ROBO2: variants seen among roughly 807,000 people sequenced by gnomAD.
ROBO2 encodes roundabout homolog 2.
A neutral mutation model predicts 160.8 loss-of-function variants in ROBO2; 53 were observed. That is an observed-to-expected ratio of 0.33 (90% CI 0.26 to 0.41). The LOEUF (loss-of-function observed/expected upper bound fraction) is 0.41, where lower values mean the gene tolerates loss of function less well. ROBO2 is among the 10% of genes least tolerant of loss of function. The pLI, the probability that ROBO2 is intolerant of heterozygous loss-of-function variation, is 1.00. For synonymous variants in ROBO2, 664 were observed against 611.7 expected, an observed-to-expected ratio of 1.09 and a Z score of -1.26; for missense variants, 1,577 against 1,722.4, an observed-to-expected ratio of 0.92 and a Z score of 1.49.
intron 2 of ROBO2, among the ~76,000 whole-genome samples, chr3:77,253,427 C>A (rs1349265740): frequency 3.3e-5 from 5 of 152,016 alleles, no homozygotes; most frequent in Non-Finnish European, 7.4e-5. Flanking sequence ...TGTGACATAA[C>A]CTGCAAAGTT....
rs1386538746 is a variant in ROBO2, at chr3:76,627,176, C to A, written c.110-470838C>A. Among the ~76,000 whole-genome samples the A allele has an allele frequency of 2.0e-5, 3 of 152,192 alleles. No individual in the cohort carries two copies. The East Asian group carries it at 5.8e-4, about 29-fold the overall frequency. ...GATAAGCACAGTTTGGTTGTTACTT[C>A]CTTCACCTTACTTAGTTTGCATTCT... On this transcript the variant is annotated intron_variant, in intron 2 of 26. Coordinates refer to the ROBO2 transcript ENST00000487694.
chr3:77,558,332 A>G (rs893860102), intron 9 of ROBO2, among the ~76,000 whole-genome samples, 183 bp downstream of exon 10: 1 of 152,098 alleles, frequency 6.6e-6, no homozygotes, highest in Non-Finnish European at 1.5e-5. Flanking sequence ...CACAGTTTTT[A>G]CGTTACTCAC....
rs751868199 is a variant in ROBO2 at position 77,562,743 on chromosome 3, T to C, written c.1519+11T>C. The C allele has an allele frequency of 6.2e-7, 1 of 1,600,904 alleles. No homozygotes were observed. Among genetic ancestry groups the C allele is most frequent in the Non-Finnish European group, 8.6e-7 (1 of 1,168,522 alleles). Reference sequence around the variant, plus strand: ...TGCTGGATGTGACAGGTGAGGACTTTGTGAATTAGGAGAAATCTTGGGCCC... The same window carrying C: ...TGCTGGATGTGACAGGTGAGGACTTCGTGAATTAGGAGAAATCTTGGGCCC... On this transcript the variant is annotated intron_variant, in intron 10 of 25. Transcript: ENST00000461745.
chr3:77,343,766 T>C (rs1011784475), intron 2 of ROBO2, among the ~76,000 whole-genome samples: 3 of 152,092 alleles, frequency 2.0e-5, no homozygotes, highest in Admixed American at 2.0e-4. Context: ...AGTTTGACAG[T>C]TGAAGAAATA....
intron 2 of ROBO2, among the ~76,000 whole-genome samples, chr3:76,657,974 G>A (rs981828039): frequency 2.0e-4 from 30 of 149,180 alleles, no homozygotes; most frequent in East Asian, 1.4e-3. Context: ...GGCTGAGGTC[G>A]GAGGATCACT....
chr3:76,901,033 C>T (rs1440118466), intron 2 of ROBO2, among the ~76,000 whole-genome samples: 1 of 152,062 alleles, frequency 6.6e-6, no homozygotes, highest in African/African-American at 2.4e-5. Flanking sequence ...AAATAAAATA[C>T]ACTGGAGGGA....
intron 2 of ROBO2, among the ~76,000 whole-genome samples, chr3:76,185,215 T>TATATAGATATATATATATATATATAC: frequency 0.032 from 2,875 of 90,254 alleles, 106 homozygotes; most frequent in Middle Eastern, 0.064. Context: ...TATATATATA[T>TATATAGATATATATATATATATATAC]ACACACACAA....
chr3:76,176,352 TA>T (rs150980363), intron 2 of ROBO2, among the ~76,000 whole-genome samples: 4,813 of 152,156 alleles, frequency 0.032, 84 homozygotes, highest in African/African-American at 0.053. Context: ...TATTTTTGAA[TA>T]GCTGCTGTGC....
intron 2 of ROBO2, among the ~76,000 whole-genome samples, chr3:76,425,711 A>G (rs2076195810): frequency 6.6e-6 from 1 of 152,064 alleles, no homozygotes; most frequent in South Asian, 2.1e-4. Context: ...AAGAACAAAG[A>G]TACCTTTTGT....
At chr3:77,098,082 A>G (rs2071346191) in exon 2 of ROBO2, 1 of 1,604,948 alleles carries the variant, frequency 6.2e-7, no homozygotes, top group South Asian at 1.1e-5. Context: ...CATCGTCTCT[A>G]AGGGCGAGCC....
intron 2 of ROBO2, among the ~76,000 whole-genome samples, chr3:76,969,508 G>A (rs1007185005): frequency 2.0e-5 from 3 of 152,112 alleles, no homozygotes; most frequent in Non-Finnish European, 2.9e-5. Context: ...CAAAACCCAA[G>A]AAACAGTGCA....
intron 2 of ROBO2, among the ~76,000 whole-genome samples, chr3:76,441,487 G>C (rs1435962912): frequency 6.6e-6 from 1 of 152,196 alleles, no homozygotes; most frequent in Non-Finnish European, 1.5e-5. Flanking sequence ...TTCAAAACCA[G>C]AGGGAAGAAC....
chr3:76,535,588 C>T (rs1465151208), intron 2 of ROBO2, among the ~76,000 whole-genome samples: 1 of 151,998 alleles, frequency 6.6e-6, no homozygotes. Context: ...CAGGAATAGT[C>T]AGGGAAGCAG....
chr3:77,124,991 TAACTC>T (rs2075176403), intron 2 of ROBO2, among the ~76,000 whole-genome samples: 1 of 152,098 alleles, frequency 6.6e-6, no homozygotes, highest in Non-Finnish European at 1.5e-5. Context: ...TATAAATACT[TAACTC>T]TAATATGATA....
Position 76,643,168 on chromosome 3 carries a change from A to G in ROBO2, c.110-454846A>G, listed in dbSNP as rs149457981. Among the ~76,000 whole-genome samples the G allele has an allele frequency of 6.0e-3, 912 of 152,266 alleles. 4 individuals carry two copies. The highest frequency in any genetic ancestry group is 8.5e-3 in the Non-Finnish European group (581 of 68,002). ...AGAAACTTAAAGCCTTCCCTCATAT[A>G]TAATCAGCAATCAGAAATAACTTAG... is the stretch of plus-strand genomic sequence containing the variant. On this transcript the variant is annotated intron_variant, in intron 2 of 26. Coordinates refer to the ROBO2 transcript ENST00000487694.
At chr3:76,833,089 T>C (rs1469066285) in intron 2 of ROBO2, among the ~76,000 whole-genome samples, 4 of 151,956 alleles carry the variant, frequency 2.6e-5, no homozygotes, top group Non-Finnish European at 4.4e-5. Context: ...AGTTTCAAGG[T>C]CAAGAAGTGC....
At chr3:76,084,397 C>A (rs1386095496) in intron 2 of ROBO2, among the ~76,000 whole-genome samples, 1 of 151,914 alleles carries the variant, frequency 6.6e-6, no homozygotes, top group African/African-American at 2.4e-5. Context: ...TTTTATGAAC[C>A]TTATGTCATT....
At chr3:77,522,835 C>T (rs956690815) in exon 6 of ROBO2, 38 of 1,609,404 alleles carry the variant, frequency 2.4e-5, no homozygotes, top group Non-Finnish European at 3.2e-5. Context: ...CAGATGAAGG[C>T]ACCTATATGT....
At chr3:76,999,040 C>A (rs2061190502) in intron 2 of ROBO2, among the ~76,000 whole-genome samples, 1 of 152,108 alleles carries the variant, frequency 6.6e-6, no homozygotes, top group East Asian at 1.9e-4. Context: ...GGCTTTCTCC[C>A]AAATTAGTCC....
Sources: gnomAD v4.1 joint callset for allele counts (sites outside exome capture counted in the v4.1 genomes callset) on GRCh38, gnomAD v4.1.1 for gene constraint, MANE v1.5 for transcripts, NCBI Gene and HGNC (gene_info 2026-07-23, HGNC 2026-07-21) for gene names.